The following TAF7L variants were observed in gnomAD, a reference collection of about 807,000 sequenced individuals.
TAF7L encodes the protein TATA-box binding protein associated factor 7 like.
In TAF7L, 6 loss-of-function variants were observed where a neutral mutation model predicts 30.2. The observed-to-expected ratio is 0.20, with a 90% CI of 0.11 to 0.39. The LOEUF (loss-of-function observed/expected upper bound fraction) is 0.39, where lower values mean the gene tolerates loss of function less well. TAF7L is among the 10% of genes least tolerant of loss of function. The pLI is 1.00. For synonymous variants in TAF7L, 93 were observed against 94.5 expected (o/e 0.98, Z 0.09); for missense variants, 284 against 277.1 (o/e 1.03, Z -0.18).
chrX:101,274,812 G>A (rs894610848), intron 12 of TAF7L, among the ~76,000 whole-genome samples: 4 of 111,999 alleles, frequency 3.6e-5, no homozygotes, highest in African/African-American at 1.3e-4. Flanking sequence ...TATTAGAAGC[G>A]TTTTGGTTTT....
chrX:101,278,263 G>A (rs764399048), intron 7 of TAF7L, 142 bp from the exon 8 acceptor site: 4 of 445,624 alleles, frequency 9.0e-6, no homozygotes, highest in Non-Finnish European at 1.5e-5. Context: ...TCTACTTTAA[G>A]TAGTGCTATT....
chrX:101,272,936 C>T (rs1924017376), intron 12 of TAF7L, among the ~76,000 whole-genome samples: 1 of 109,980 alleles, frequency 9.1e-6, no homozygotes, highest in African/African-American at 3.3e-5. Context: ...GCATACACCA[C>T]CATGCCTGGC....
chrX:101,292,848 A>T (rs141461601), upstream of TAF7L: 2 of 1,209,662 alleles, frequency 1.7e-6, no homozygotes, highest in Non-Finnish European at 2.2e-6. Flanking sequence ...TGCTGTCCGC[A>T]TCCGTTTGAG....
chrX:101,289,946 G>A (rs1289572959), intron 1 of TAF7L, among the ~76,000 whole-genome samples: 1 of 109,942 alleles, frequency 9.1e-6, no homozygotes, highest in African/African-American at 3.3e-5. Flanking sequence ...TGGGCGCTGT[G>A]GCTCACACCT....
intron 3 of TAF7L, among the ~76,000 whole-genome samples, chrX:101,284,366 T>C (rs1241889818): frequency 8.9e-6 from 1 of 112,055 alleles, no homozygotes; most frequent in Non-Finnish European, 1.9e-5. Context: ...TTTCATTTGA[T>C]TTTTTTATTT....
chrX:101,283,263 A>T (rs999788583), intron 4 of TAF7L, among the ~76,000 whole-genome samples, 187 bp downstream of exon 4: 7 of 112,247 alleles, frequency 6.2e-5, no homozygotes, highest in Non-Finnish European at 1.3e-4. Flanking sequence ...GTCAAAATAC[A>T]ATACTGAAAG....
chrX:101,285,202 AT>A lies in TAF7L; in HGVS notation c.145+1372del, dbSNP rs1180577882. Among the ~76,000 whole-genome samples the A allele has an allele frequency of 2.7e-5, 3 of 111,175 alleles. No individual in the cohort carries two copies. In the East Asian group the frequency reaches 8.5e-4, roughly 31 times the overall value. ...GGAACCTCCATACCATTTAAAAAAA[AT>A]AATGGCTGTAGGCCAGGCACAGTAG... is the stretch of plus-strand genomic sequence containing the variant. On this transcript the variant is annotated intron_variant, in intron 3 of 12. Transcript: ENST00000356784.
At chrX:101,273,775 C>T (rs1282765969) in intron 12 of TAF7L, among the ~76,000 whole-genome samples, 1 of 110,988 alleles carries the variant, frequency 9.0e-6, no homozygotes, top group African/African-American at 3.3e-5. Context: ...CTCCAAAGGT[C>T]CTCAAAGAAG....
At position 101,276,514 on chromosome X, in the gene TAF7L, G is replaced by A. The variant is rs145649604; in HGVS notation, c.706C>T (p.Arg236Trp). Reference sequence around the variant, plus strand: ...CTTCTAGAATCACTGAACATCTCCCGAAGCATATCATATTCTACTAGTTTT... The same window carrying A: ...CTTCTAGAATCACTGAACATCTCCCAAAGCATATCATATTCTACTAGTTTT... ...GHTSSEYDML[R>W]EMFSDSRSNN... Residue 236 changes from arginine to tryptophan, a missense_variant, in exon 10 of 13, where the codon CGG (arginine) becomes TGG (tryptophan). Arg to Trp is a moderately radical substitution (Grantham distance 101, BLOSUM62 -3). Transcript: ENST00000356784. The A allele has an allele frequency of 8.9e-5, 107 of 1,207,819 alleles. No homozygotes were observed. The highest frequency in any genetic ancestry group is 1.0e-4 in the Non-Finnish European group (92 of 894,553).
rs368056727 is a variant in TAF7L at position 101,277,451 on chromosome X, C to CAAAAAAAAAAAAAAAA, written c.691+139_691+154dup. Among the ~76,000 whole-genome samples the CAAAAAAAAAAAAAAAA allele has an allele frequency of 5.4e-4, 22 of 40,417 alleles. 2 individuals are homozygous for CAAAAAAAAAAAAAAAA. Among genetic ancestry groups the CAAAAAAAAAAAAAAAA allele is most frequent in the African/African-American group, 2.1e-3 (21 of 10,041 alleles). 35.1% of individuals were successfully genotyped at this position (40,417 alleles called of 115,157 possible). A position where few individuals can be genotyped will look rare whatever the true frequency, so the allele number is the denominator to read the frequency against. On this transcript the variant is annotated intron_variant, in intron 9 of 12. Coordinates refer to ENST00000356784, the MANE Select transcript of TAF7L (RefSeq NM_001168474.2). ...TGGGCGACAGAGCAAGACTCCATCT[C>CAAAAAAAAAAAAAAAA]AAAAAAAAAAAAAAAAAAAGAGGGA... is the stretch of plus-strand genomic sequence containing the variant.
At chrX:101,281,280 A>T (rs1471991339) in intron 6 of TAF7L, among the ~76,000 whole-genome samples, 1 of 112,173 alleles carries the variant, frequency 8.9e-6, no homozygotes, top group Non-Finnish European at 1.9e-5. Context: ...TGAATTTACA[A>T]TTATTTCAAA....
rs1363059107 is a variant in TAF7L, at chrX:101,283,539, C to G, written c.190G>C (p.Ala64Pro). ...AVVEVEDVPLAAKLVDLPCVI... is the reference protein window; with the variant it reads ...AVVEVEDVPLPAKLVDLPCVI... ...CAAGGCAAGTCAACCAGCTTAGCAG[C>G]TAGTGGGACATCTTCTACTTCAACA... Residue 64 changes from alanine to proline, a missense_variant, in exon 4 of 13, where the codon GCT (alanine) becomes CCT (proline). Physicochemically the swap from Ala to Pro is conservative, Grantham distance 27. Transcript: ENST00000356784. 2 of 1,211,533 alleles carry G rather than the reference C, an allele frequency of 1.7e-6. No homozygotes were observed. Among genetic ancestry groups the G allele is most frequent in the South Asian group, 3.5e-5 (2 of 56,963 alleles).
chrX:101,291,966 G>A (rs749727638), upstream of TAF7L, among the ~76,000 whole-genome samples: 246 of 109,293 alleles, frequency 2.3e-3, no homozygotes, highest in African/African-American at 7.7e-3. Flanking sequence ...GGCCGGGCGC[G>A]GTGGCTCACG....
intron 12 of TAF7L, among the ~76,000 whole-genome samples, chrX:101,272,651 T>C (rs1005809547): frequency 2.7e-5 from 3 of 110,853 alleles, no homozygotes; most frequent in African/African-American, 9.9e-5. Flanking sequence ...AAGTGGGGAG[T>C]GACTACTAAT....
At chrX:101,282,233 C>T in intron 5 of TAF7L, 94 bp downstream of exon 5, 3 of 1,111,764 alleles carry the variant, frequency 2.7e-6, no homozygotes, top group Non-Finnish European at 3.7e-6. Context: ...GAACCAAACA[C>T]CTAAGTGTGG....
chrX:101,283,596 A>G lies in TAF7L; in HGVS notation c.146-13T>C, dbSNP rs372336273. Reference sequence around the variant, plus strand: ...TGGCGCCCATCAGCTGAAGAGAAGTAAAGATTAAAGTTGATATCTTCCCAG... The same window carrying G: ...TGGCGCCCATCAGCTGAAGAGAAGTGAAGATTAAAGTTGATATCTTCCCAG... On this transcript the variant is annotated splice_polypyrimidine_tract_variant and intron_variant, in intron 3 of 12. Coordinates refer to ENST00000356784, the MANE Select transcript of TAF7L (RefSeq NM_001168474.2). 26 of 1,208,065 alleles carry G rather than the reference A, an allele frequency of 2.2e-5. No individual in the cohort carries two copies. The highest frequency in any genetic ancestry group is 2.5e-5 in the Non-Finnish European group (22 of 894,292).
At chrX:101,280,540 A>C (rs1294523193) in intron 6 of TAF7L, among the ~76,000 whole-genome samples, 1 of 112,001 alleles carries the variant, frequency 8.9e-6, no homozygotes, top group Non-Finnish European at 1.9e-5. Context: ...GCAGGAATAT[A>C]AAATGGTACA....
At chrX:101,291,906 C>T (rs1189689026), upstream of TAF7L, among the ~76,000 whole-genome samples, 3 of 101,848 alleles carry the variant, frequency 2.9e-5, no homozygotes, top group Non-Finnish European at 4.0e-5. Context: ...ACCTTCAGGG[C>T]GCCAGAAGAT....
intron 12 of TAF7L, among the ~76,000 whole-genome samples, chrX:101,274,165 G>A (rs1924076017): frequency 9.0e-6 from 1 of 111,058 alleles, no homozygotes; most frequent in Non-Finnish European, 1.9e-5. Flanking sequence ...TAAGCAAAAT[G>A]ACATGCAAAA....
Sources: gnomAD v4.1 joint callset for allele counts (sites outside exome capture counted in the v4.1 genomes callset) on GRCh38, gnomAD v4.1.1 for gene constraint, MANE v1.5 for transcripts, NCBI Gene and HGNC (gene_info 2026-07-23, HGNC 2026-07-21) for gene names.